UBXN8: variants seen among roughly 807,000 people sequenced by gnomAD.
The protein encoded by UBXN8 is UBX domain protein 8.
In UBXN8, 27 loss-of-function variants were observed where a neutral mutation model predicts 32.1. The observed-to-expected ratio is 0.84, with a 90% CI of 0.62 to 1.16. The LOEUF (loss-of-function observed/expected upper bound fraction) is 1.16. UBXN8 is among the 50% of genes most tolerant of loss of function. The pLI, the probability that UBXN8 is intolerant of heterozygous loss-of-function variation, is 0.00. For synonymous variants in UBXN8, 109 were observed against 111.8 expected (o/e 0.98, Z 0.16); for missense variants, 306 against 311.4 (o/e 0.98, Z 0.13).
At chr8:30,746,751 C>G (rs1347575935) in intron 1 of UBXN8, among the ~76,000 whole-genome samples, 1 of 138,724 alleles carries the variant, frequency 7.2e-6, no homozygotes, top group East Asian at 2.1e-4. Context: ...GTCTCCAACT[C>G]CTGACCTTGT....
At chr8:30,766,142 A>T in intron 7 of UBXN8, 85 bp from the exon 8 acceptor site, 1 of 1,380,278 alleles carries the variant, frequency 7.2e-7, no homozygotes, top group East Asian at 2.4e-5. Context: ...TTACATTGAC[A>T]AAATTATAAA....
chr8:30,743,149 T>G (rs2128752645), upstream of UBXN8, among the ~76,000 whole-genome samples: 1 of 106,332 alleles, frequency 9.4e-6, no homozygotes, highest in African/African-American at 3.6e-5. Context: ...AAATATAATT[T>G]CTTTCTTTCT....
At chr8:30,760,027 A>G (rs2128756053) in intron 5 of UBXN8, among the ~76,000 whole-genome samples, 1 of 149,474 alleles carries the variant, frequency 6.7e-6, no homozygotes, top group South Asian at 2.1e-4. Flanking sequence ...ATATGTTTGA[A>G]GCAAAATAAT....
rs1171625115 is a variant in UBXN8 at position 30,756,841 on chromosome 8, C to G, written c.482C>G (p.Pro161Arg). ...GCAAAGAGCCAGAACTTGCCTAAAC[C>G]TTTAACTGAATTTCCGTCTCCTGCT... ...EAAKSQNLPK[P>R]LTEFPSPAEQ... The change falls in exon 5 of 8, where the codon CCT becomes CGT. Residue 161 changes from proline (P) to arginine (R), a missense_variant. Transcript: ENST00000265616. 3.7e-6 allele frequency: 6 copies of G among 1,613,844 alleles called. No individual in the cohort carries two copies. The highest frequency in any genetic ancestry group is 2.7e-5 in the African/African-American group (2 of 74,916).
chr8:30,758,903 T>TTTTTTTTTTTG (rs1563564679), intron 5 of UBXN8, among the ~76,000 whole-genome samples: 7 of 143,410 alleles, frequency 4.9e-5, no homozygotes, highest in African/African-American at 1.8e-4. Context: ...TGTTTTTTTT[T>TTTTTTTTTTTG]TTTTTTTTGA....
At chr8:30,750,422 C>G (rs1382719157) in intron 1 of UBXN8, among the ~76,000 whole-genome samples, 1 of 152,044 alleles carries the variant, frequency 6.6e-6, no homozygotes, top group Non-Finnish European at 1.5e-5. Context: ...CTGCAGTGAG[C>G]CGTGGTCTCA....
At chr8:30,748,839 C>A (rs1022623750) in intron 1 of UBXN8, among the ~76,000 whole-genome samples, 1 of 152,180 alleles carries the variant, frequency 6.6e-6, no homozygotes, top group Non-Finnish European at 1.5e-5. Flanking sequence ...TCTCGCCCGG[C>A]CTATATATAT....
At chr8:30,745,328 C>T (rs2128753011) in intron 1 of UBXN8, among the ~76,000 whole-genome samples, 1 of 152,146 alleles carries the variant, frequency 6.6e-6, no homozygotes, top group Non-Finnish European at 1.5e-5. Context: ...ACTGAGCAAA[C>T]CTAGGTATTT....
intron 2 of UBXN8, 69 bp from the exon 3 acceptor site, chr8:30,752,966 A>T (rs982916336): frequency 6.9e-7 from 1 of 1,439,266 alleles, no homozygotes; most frequent in African/African-American, 1.5e-5. Context: ...TTGATACATT[A>T]TTTGATTGGT....
intron 1 of UBXN8, 100 bp from the exon 2 acceptor site, chr8:30,751,296 G>A (rs528928782): frequency 2.7e-5 from 27 of 989,972 alleles, no homozygotes; most frequent in South Asian, 2.7e-4. Flanking sequence ...GGAGGATCAC[G>A]TGAGCTCAGG....
chr8:30,765,568 T>C (rs952048410), intron 7 of UBXN8, among the ~76,000 whole-genome samples: 4 of 151,648 alleles, frequency 2.6e-5, no homozygotes, highest in African/African-American at 9.7e-5. Context: ...ATATATATAG[T>C]TTTGAGACCG....
intron 4 of UBXN8, 87 bp from the exon 5 acceptor site, chr8:30,756,677 TA>T: frequency 3.2e-6 from 5 of 1,549,910 alleles, no homozygotes; most frequent in Admixed American, 1.9e-5. Context: ...GCCATCAGGG[TA>T]AAAAAAGGAA....
intron 7 of UBXN8, among the ~76,000 whole-genome samples, chr8:30,765,270 C>T (rs767721787): frequency 1.7e-4 from 26 of 151,440 alleles, no homozygotes; most frequent in Non-Finnish European, 3.5e-4. Flanking sequence ...GATAATTTAC[C>T]ATTATTTTTA....
At chr8:30,754,354 G>A in intron 3 of UBXN8, 2 of 436,906 alleles carry the variant, frequency 4.6e-6, no homozygotes, top group Non-Finnish European at 9.2e-6. Context: ...TGCCATACCG[G>A]CATTCAATTT....
Position 30,766,500 on chromosome 8 carries a change from G to T in UBXN8, c.*106G>T. 1 of 1,208,894 alleles carries T rather than the reference G, an allele frequency of 8.3e-7. No homozygotes were observed. The highest frequency in any genetic ancestry group is 2.4e-4 in the Middle Eastern group (1 of 4,238). The allele number at this position is 1,208,894 out of a possible 1,614,324, so 74.9% of individuals were successfully genotyped here. On this transcript the variant is annotated 3_prime_UTR_variant, in exon 8 of 8. Coordinates refer to ENST00000265616, the MANE Select transcript of UBXN8 (RefSeq NM_005671.4). ...CACACTATACCTTGATTGAGCTCAT[G>T]GCAGTAAACTTTGAACATTGATATC...
Position 30,753,108 on chromosome 8 carries a change from A to G in UBXN8, c.282+3A>G. On this transcript the variant is annotated splice_donor_region_variant and intron_variant, in intron 3 of 7. Coordinates refer to ENST00000265616, the MANE Select transcript of UBXN8 (RefSeq NM_005671.4). ...AACAAGAAGCACAAGGAGAGAAGGT[A>G]AGGCAGAATTTTTAGAGACTTTATG... is the stretch of plus-strand genomic sequence containing the variant. 6.6e-7 allele frequency: 1 copy of G among 1,515,070 alleles called. No homozygotes were observed. Among genetic ancestry groups the G allele is most frequent in the African/African-American group, 1.4e-5 (1 of 71,254 alleles). 93.9% of individuals were successfully genotyped at this position (1,515,070 alleles called of 1,614,324 possible).
At position 30,757,278 on chromosome 8, in the gene UBXN8, T is replaced by G. The variant is rs149155238; in HGVS notation, c.528+391T>G. On this transcript the variant is annotated intron_variant, in intron 5 of 7. Coordinates refer to ENST00000265616, the MANE Select transcript of UBXN8 (RefSeq NM_005671.4). ...AAATACTCAATTCTTAGCCAGGCACTGTGGCTCATGCCTGTAATCCCAGCA... is the reference window on the plus strand; with the variant it reads ...AAATACTCAATTCTTAGCCAGGCACGGTGGCTCATGCCTGTAATCCCAGCA... 3.9e-3 allele frequency among the ~76,000 whole-genome samples: 585 copies of G among 151,862 alleles called. 2 individuals carry two copies. Among genetic ancestry groups the G allele is most frequent in the African/African-American group, 0.013 (537 of 41,402 alleles).
chr8:30,738,985 C>CTGT (rs1805131636), intron 1 of UBXN8, among the ~76,000 whole-genome samples: 1 of 150,390 alleles, frequency 6.6e-6, no homozygotes, highest in Admixed American at 6.7e-5. Context: ...GTTGTTGCTG[C>CTGT]TGTATGATTC....
intron 1 of UBXN8, chr8:30,744,580 T>G (rs1805312889): frequency 2.1e-6 from 1 of 479,446 alleles, no homozygotes; most frequent in Non-Finnish European, 3.7e-6. Flanking sequence ...GATGAAGGTC[T>G]TGTGAGAATT....
Sources: gnomAD v4.1 joint callset for allele counts (sites outside exome capture counted in the v4.1 genomes callset) on GRCh38, gnomAD v4.1.1 for gene constraint, MANE v1.5 for transcripts, NCBI Gene and HGNC (gene_info 2026-07-23, HGNC 2026-07-21) for gene names.